The following MACF1 variants were observed in gnomAD, a reference collection of about 807,000 sequenced individuals.
MACF1 encodes the protein microtubule actin crosslinking factor 1.
A neutral mutation model predicts 854.8 loss-of-function variants in MACF1; 193 were observed. The ratio of observed to expected loss-of-function variants is 0.23; its 90% CI spans 0.20 to 0.25. MACF1 has a LOEUF of 0.25. MACF1 is among the 10% of genes least tolerant of loss of function. MACF1 has a pLI of 1.00. For synonymous variants in MACF1, 3,185 were observed against 3,226.7 expected (o/e 0.99, Z 0.44); for missense variants, 7,722 against 8,929.1 (o/e 0.86, Z 5.45).
chr1:39,356,884 C>T (rs1404858285), intron 44 of MACF1, among the ~76,000 whole-genome samples: 2 of 152,108 alleles, frequency 1.3e-5, no homozygotes, highest in Admixed American at 6.6e-5. Context: ...TATTGTCTAC[C>T]TACATTATAG....
At chr1:39,296,831 G>GAAAAGAAAGAAAGAAAGA (rs1553228118) in intron 20 of MACF1, among the ~76,000 whole-genome samples, 4 of 124,590 alleles carry the variant, frequency 3.2e-5, no homozygotes, top group Non-Finnish European at 5.4e-5. Flanking sequence ...AGGAAGGAAG[G>GAAAAGAAAGAAAGAAAGA]AAGGAAGGAA....
At chr1:39,131,167 T>TC (rs1211174526) in intron 2 of MACF1, among the ~76,000 whole-genome samples, 1 of 137,252 alleles carries the variant, frequency 7.3e-6, no homozygotes, top group Non-Finnish European at 1.6e-5. Context: ...TTTTTTTTTT[T>TC]TTTTTTTTTT....
chr1:39,289,175 A>G lies in MACF1; in HGVS notation c.1785+1613A>G, dbSNP rs534309511. ...CTTAGGTTGCTTCCAAATTCTGGCT[A>G]TTGTGAATAGTGGTGCAACAAATGT... On this transcript the variant is annotated intron_variant, in intron 15 of 100. Transcript: ENST00000564288. Among the ~76,000 whole-genome samples the G allele has an allele frequency of 2.6e-5, 4 of 152,306 alleles. No homozygotes were observed. The East Asian group carries it at 7.7e-4, about 29-fold the overall frequency.
At chr1:39,309,226 C>G (rs989452311) in intron 23 of MACF1, among the ~76,000 whole-genome samples, 1 of 151,668 alleles carries the variant, frequency 6.6e-6, no homozygotes, top group Non-Finnish European at 1.5e-5. Context: ...TGTAGCAAAT[C>G]CAAGTTGAAG....
chr1:39,366,252 A>G (rs1469106586), intron 49 of MACF1, among the ~76,000 whole-genome samples: 1 of 152,214 alleles, frequency 6.6e-6, no homozygotes, highest in African/African-American at 2.4e-5. Context: ...TACATAAGCA[A>G]ATACATACGC....
At chr1:39,142,530 A>G (rs905676919) in intron 2 of MACF1, among the ~76,000 whole-genome samples, 1 of 152,174 alleles carries the variant, frequency 6.6e-6, no homozygotes, top group East Asian at 1.9e-4. Context: ...TGCCCTGAAG[A>G]AAATATTTGG....
chr1:39,268,384 C>T (rs1209632227), intron 6 of MACF1: 1 of 910,870 alleles, frequency 1.1e-6, no homozygotes, highest in Non-Finnish European at 1.3e-6. Context: ...GCTCCAATTA[C>T]CTCATATTTG....
intron 2 of MACF1, among the ~76,000 whole-genome samples, chr1:39,125,918 G>A (rs189575564): frequency 1.3e-5 from 2 of 152,284 alleles, no homozygotes; most frequent in Non-Finnish European, 2.9e-5. Flanking sequence ...GCTTTAACCC[G>A]GGAGGCGGAG....
intron 2 of MACF1, among the ~76,000 whole-genome samples, chr1:39,197,516 T>C (rs1445331322): frequency 6.6e-6 from 1 of 152,222 alleles, no homozygotes; most frequent in East Asian, 1.9e-4. Flanking sequence ...AGCTTTATGA[T>C]GGCTTCAGGT....
chr1:39,267,798 T>C (rs1645251330), intron 6 of MACF1, among the ~76,000 whole-genome samples: 1 of 152,204 alleles, frequency 6.6e-6, no homozygotes, highest in South Asian at 2.1e-4. Flanking sequence ...TTTACTGTAC[T>C]CAAAACCAAC....
Position 39,331,628 on chromosome 1 carries a change from C to T in MACF1, c.5040C>T (p.Leu1680=), listed in dbSNP as rs577822366. The change falls in exon 37 of 101, where the codon CTC becomes CTT. Residue 1680 remains leucine, a synonymous_variant. Transcript: ENST00000564288. ...INLEEAFHQG[L]ISAWLHSVLE... is the part of the protein sequence containing the mutation. ...TGGAAGAGGCTTTTCATCAAGGCCT[C>T]ATTTCTGCATGGCTTCATTCAGTAT... 1.9e-6 allele frequency: 3 copies of T among 1,614,188 alleles called. No homozygotes were observed. Among genetic ancestry groups the T allele is most frequent in the African/African-American group, 1.3e-5 (1 of 75,044 alleles).
At chr1:39,126,834 G>T (rs1642871843) in intron 2 of MACF1, among the ~76,000 whole-genome samples, 1 of 151,988 alleles carries the variant, frequency 6.6e-6, no homozygotes, top group Non-Finnish European at 1.5e-5. Flanking sequence ...AAAACAAATG[G>T]TTTAGTCACT....
chr1:39,419,582 C>T (rs1342681924), intron 58 of MACF1, among the ~76,000 whole-genome samples: 2 of 152,118 alleles, frequency 1.3e-5, no homozygotes, highest in Non-Finnish European at 2.9e-5. Context: ...AAGGGATATT[C>T]AGCTTGTATA....
chr1:39,337,160 A>C (rs1406273234), intron 37 of MACF1, 22 bp from the exon 38 acceptor site: 3 of 1,604,510 alleles, frequency 1.9e-6, no homozygotes, highest in Non-Finnish European at 2.6e-6. Context: ...GAACTGAGTC[A>C]GCTTTCTTTT....
Position 39,353,181 on chromosome 1 carries a change from G to A in MACF1, c.11374G>A (p.Gly3792Arg). The change falls in exon 44 of 101, where the codon GGG (glycine) becomes AGG (arginine). Residue 3792 changes from glycine (G) to arginine (R), a missense_variant. Transcript: ENST00000564288. ...CTTGGACACCACTGATGGTTACATG[G>A]GGGTGAATCAAGCCCCAGAGAAACT... ...GALDTTDGYM[G>R]VNQAPEKLDK... The A allele has an allele frequency of 6.2e-7, 1 of 1,611,516 alleles. No homozygotes were observed. The highest frequency in any genetic ancestry group is 8.5e-7 in the Non-Finnish European group (1 of 1,177,752).
At chr1:39,447,996 A>G (rs1000417372) in intron 82 of MACF1, 37 bp from the exon 83 acceptor site, 1 of 1,613,402 alleles carries the variant, frequency 6.2e-7, no homozygotes, top group African/African-American at 1.3e-5. Context: ...TAGTGTGTAT[A>G]TTCATTCCTG....
chr1:39,395,200 G>T (rs1478339695), intron 58 of MACF1, among the ~76,000 whole-genome samples: 1 of 152,168 alleles, frequency 6.6e-6, no homozygotes, highest in Non-Finnish European at 1.5e-5. Context: ...CAGCATTTCT[G>T]ACCTAGTAAC....
In MACF1 at chr1:39,455,058, G is replaced by A. The variant is rs1200222660; in HGVS notation, c.21036G>A (p.Gln7012=). 1 of 1,614,164 alleles carries A rather than the reference G, an allele frequency of 6.2e-7. No individual in the cohort carries two copies. The highest frequency in any genetic ancestry group is 1.7e-5 in the Admixed American group (1 of 60,018). ...AGCGGGATCAGGAGCCAATCCCGCA[G>A]AACATTGACCGAGTTAAAGCCCTTA... ...LIQRDQEPIP[Q]NIDRVKALIA... Residue 7012 remains glutamine, a synonymous_variant, in exon 89 of 101, where the codon CAG becomes CAA. Coordinates refer to ENST00000564288, the MANE Select transcript of MACF1 (RefSeq NM_001394062.1).
At chr1:39,381,287 C>A (rs768282067) in intron 55 of MACF1, among the ~76,000 whole-genome samples, 1 of 150,756 alleles carries the variant, frequency 6.6e-6, no homozygotes, top group Non-Finnish European at 1.5e-5. Context: ...GAACTCCCGA[C>A]CTCAAGTGAT....
Sources: allele counts gnomAD v4.1 joint callset (sites outside exome capture counted in the v4.1 genomes callset), GRCh38; gene constraint gnomAD v4.1.1; transcripts MANE v1.5; gene names NCBI Gene and HGNC (gene_info 2026-07-23, HGNC 2026-07-21).